The following CEACAM16 variants were observed in gnomAD, a reference collection of about 807,000 sequenced individuals.
CEACAM16 encodes CEA cell adhesion molecule 16, tectorial membrane component.
In CEACAM16, 30 loss-of-function variants were observed where a neutral mutation model predicts 39.4. The observed-to-expected ratio is 0.76, with a 90% CI of 0.57 to 1.03. The LOEUF is 1.03. Ranked by LOEUF, CEACAM16 falls within the 50% of genes least tolerant of loss-of-function variation. The pLI is 0.00. For synonymous variants in CEACAM16, 262 were observed against 264.9 expected (o/e 0.99, Z 0.11); for missense variants, 521 against 585.3 (o/e 0.89, Z 1.13).
intron 6 of CEACAM16, among the ~76,000 whole-genome samples, chr19:44,709,187 T>A (rs1473530292): frequency 4.6e-5 from 7 of 150,930 alleles, no homozygotes; most frequent in Non-Finnish European, 1.0e-4. Flanking sequence ...GGTCCATGTC[T>A]CCTCCATCAG....
At position 44,701,361 on chromosome 19, in the gene CEACAM16, G is replaced by A; in HGVS notation, c.-96G>A. 7.5e-7 allele frequency: 1 copy of A among 1,327,366 alleles called. No homozygotes were observed. The highest frequency in any genetic ancestry group is 1.3e-5 in the South Asian group (1 of 79,586). 82.2% of individuals were successfully genotyped at this position (1,327,366 alleles called of 1,614,324 possible). On this transcript the variant is annotated splice_region_variant and 5_prime_UTR_variant, in exon 2 of 7. Transcript: ENST00000587331. The surrounding 1 kb of genome is among the most constrained non-coding windows in gnomAD (Gnocchi z 4.0). ...GCTCCAAATCACCAAACCCTCCCAG[G>A]TCCTGCGGCAGACGGAGCCGAGCCC...
At chr19:44,707,646 T>C (rs1332821064) in intron 5 of CEACAM16, among the ~76,000 whole-genome samples, 1 of 152,124 alleles carries the variant, frequency 6.6e-6, no homozygotes, top group Non-Finnish European at 1.5e-5. Context: ...GTCTGGGAAT[T>C]TGTAGTCTGA....
rs373690541 is a variant in CEACAM16, at chr19:44,703,751, A to T, written c.382+58A>T. On this transcript the variant is annotated intron_variant, in intron 3 of 6. Transcript: ENST00000587331. ...AGCTGGGCCTTCCCATCTCCTTCTC[A>T]ATCCTTCTTTTTTTTAAAAAAAAAA... The T allele has an allele frequency of 5.0e-4, 635 of 1,266,784 alleles. 6 individuals are homozygous for T. In the African/African-American group the frequency reaches 8.9e-3, roughly 18 times the overall value. 78.5% of individuals were successfully genotyped at this position (1,266,784 alleles called of 1,614,324 possible). A position where few individuals can be genotyped will look rare whatever the true frequency, so the allele number is the denominator to read the frequency against.
Position 44,710,566 on chromosome 19 carries a change from C to A in CEACAM16, c.*60C>A. ...TCTTCGCACCATCCTCTGGTCCTCG[C>A]CCTCTGAGTGGGAACCACTCCCCCA... On this transcript the variant is annotated 3_prime_UTR_variant, in exon 7 of 7. Coordinates refer to ENST00000587331, the MANE Select transcript of CEACAM16 (RefSeq NM_001039213.4). The A allele has an allele frequency of 6.2e-7, 1 of 1,609,286 alleles. No individual in the cohort carries two copies.
chr19:44,702,302 A>C (rs1568526389), intron 2 of CEACAM16, among the ~76,000 whole-genome samples: 2 of 151,912 alleles, frequency 1.3e-5, no homozygotes, highest in Non-Finnish European at 1.5e-5. Flanking sequence ...CAAAAAAAAA[A>C]AACAACCCCA....
In CEACAM16 at chr19:44,701,453, A is replaced by G. The variant is rs1974345244; in HGVS notation, c.-4A>G. The stretch of plus-strand genomic sequence containing the variant: ...CATCTCCAAGACTCGGTTTGGGGTG[A>G]AAGATGGCGCTGACTGGGTACAGCT... On this transcript the variant is annotated 5_prime_UTR_variant, in exon 2 of 7. The change abolishes the stop of an existing upstream ORF in the 5' untranslated region. Coordinates refer to ENST00000587331, the MANE Select transcript of CEACAM16 (RefSeq NM_001039213.4). This position sits in a 1 kb window ranked among gnomAD's most constrained non-coding sequence, Gnocchi z 4.0. 2 of 1,563,512 alleles carry G rather than the reference A, an allele frequency of 1.3e-6. No individual in the cohort carries two copies. Among genetic ancestry groups the G allele is most frequent in the Non-Finnish European group, 1.7e-6 (2 of 1,153,364 alleles).
rs746787944 is a variant in CEACAM16 at position 44,705,877 on chromosome 19, C to T, written c.940+9C>T. ...CGTGGTCAAGCTCTCTGGTGAGTCA[C>T]CCCCAGCCTGACCACCCCCCAGTCC... On this transcript the variant is annotated intron_variant, in intron 5 of 6. Transcript: ENST00000587331. 12 of 1,604,804 alleles carry T rather than the reference C, an allele frequency of 7.5e-6. No individual in the cohort carries two copies. The South Asian group carries it at 1.2e-4, about 16-fold the overall frequency.
chr19:44,710,346 C>T (rs935000458), intron 6 of CEACAM16, 150 bp from the exon 7 acceptor site: 4 of 778,342 alleles, frequency 5.1e-6, no homozygotes, highest in Admixed American at 5.2e-5. Context: ...CCTTCCTGAA[C>T]CTGAACCTGG....
At chr19:44,703,293 A>T (rs1974378997) in intron 2 of CEACAM16, 56 bp from the exon 3 acceptor site, 1 of 1,495,836 alleles carries the variant, frequency 6.7e-7, no homozygotes, top group Non-Finnish European at 9.1e-7. Context: ...TCTTCTGTCA[A>T]ATGGGGCGAT....
intron 4 of CEACAM16, 127 bp from the exon 5 acceptor site, chr19:44,705,463 C>A (rs773020670): frequency 1.6e-5 from 15 of 930,090 alleles, no homozygotes; most frequent in Admixed American, 3.0e-5. Flanking sequence ...AAGGCCAGAG[C>A]TTTTTTTCCC....
chr19:44,704,155 G>A lies in CEACAM16; in HGVS notation c.520G>A (p.Ala174Thr), dbSNP rs750153629. 363 of 1,588,874 alleles carry A rather than the reference G, an allele frequency of 2.3e-4. No homozygotes were observed. The highest frequency in any genetic ancestry group is 1.0e-3 in the South Asian group (88 of 87,408). ...WFFNGGALPV[A>T]LRLGLSPDGR... ...CTTCAACGGTGGGGCCCTGCCCGTC[G>A]CTCTCCGCCTGGGCCTGTCCCCTGA... The change falls in exon 4 of 7, where the codon GCT (alanine) becomes ACT (threonine). Residue 174 changes from alanine (A) to threonine (T), a missense_variant. Ala to Thr is a moderately conservative substitution (Grantham distance 58, BLOSUM62 0). Coordinates refer to ENST00000587331, the MANE Select transcript of CEACAM16 (RefSeq NM_001039213.4).
intron 4 of CEACAM16, among the ~76,000 whole-genome samples, 172 bp downstream of exon 4, chr19:44,704,468 C>T (rs1272814452): frequency 6.6e-6 from 1 of 152,230 alleles, no homozygotes; most frequent in Non-Finnish European, 1.5e-5. Context: ...CAGTGGCTCA[C>T]GCCTGTAATC....
intron 6 of CEACAM16, 32 bp from the exon 7 acceptor site, chr19:44,710,464 T>C (rs1474631702): frequency 1.2e-6 from 2 of 1,605,490 alleles, no homozygotes; most frequent in Non-Finnish European, 1.7e-6. Context: ...TCTGACATCC[T>C]CCTTCGCCCC....
At chr19:44,706,821 C>G (rs1974457823) in intron 5 of CEACAM16, among the ~76,000 whole-genome samples, 1 of 152,192 alleles carries the variant, frequency 6.6e-6, no homozygotes, top group South Asian at 2.1e-4. Context: ...CCAAGGGCTT[C>G]TAGCACTGTC....
rs199597608 is a variant in CEACAM16, at chr19:44,708,169, G to A, written c.1249G>A (p.Val417Met). The A allele has an allele frequency of 1.9e-6, 3 of 1,576,552 alleles. No individual in the cohort carries two copies. The highest frequency in any genetic ancestry group is 2.6e-6 in the Non-Finnish European group (3 of 1,153,920). ...TVQGKTETLE[V>M]ELQVAPLG ...GCAGGGCAAGACTGAGACACTGGAAGTGGAGCTGCAGGTGGCCCGTGAGTG... is the reference window on the plus strand; with the variant it reads ...GCAGGGCAAGACTGAGACACTGGAAATGGAGCTGCAGGTGGCCCGTGAGTG... The change falls in exon 6 of 7, where the codon GTG becomes ATG. Residue 417 changes from valine to methionine, a missense_variant. Transcript: ENST00000587331.
At chr19:44,706,269 TACACACACAC>T (rs57354088) in intron 5 of CEACAM16, among the ~76,000 whole-genome samples, 13 of 132,614 alleles carry the variant, frequency 9.8e-5, no homozygotes, top group Admixed American at 1.6e-4. Flanking sequence ...ATGATGGGTA[TACACACACAC>T]ACACACACAC....
rs986296424 is a variant in CEACAM16 at position 44,710,590 on chromosome 19, C to G, written c.*84C>G. The stretch of plus-strand genomic sequence containing the variant: ...GCCCTCTGAGTGGGAACCACTCCCC[C>G]ACAGCGAGGATGCCAGGCTGTGGTC... On this transcript the variant is annotated 3_prime_UTR_variant, in exon 7 of 7. Coordinates refer to ENST00000587331, the MANE Select transcript of CEACAM16 (RefSeq NM_001039213.4). The G allele has an allele frequency of 3.2e-6, 5 of 1,550,576 alleles. No individual in the cohort carries two copies. Among genetic ancestry groups the G allele is most frequent in the Non-Finnish European group, 4.5e-6 (5 of 1,122,740 alleles).
intron 5 of CEACAM16, among the ~76,000 whole-genome samples, chr19:44,706,805 G>A (rs1045225683): frequency 1.3e-5 from 2 of 152,216 alleles, no homozygotes; most frequent in African/African-American, 4.8e-5. Context: ...AGTGGATACA[G>A]TGCCCCCAAG....
intron 2 of CEACAM16, among the ~76,000 whole-genome samples, chr19:44,702,344 C>T (rs546832820): frequency 3.4e-4 from 52 of 152,064 alleles, no homozygotes; most frequent in African/African-American, 1.2e-3. Context: ...ACACATGAAC[C>T]GCACTTCATA....
Sources: gnomAD v4.1 joint callset for allele counts (sites outside exome capture counted in the v4.1 genomes callset) on GRCh38, gnomAD v4.1.1 for gene constraint, Gnocchi (gnomAD v3.1) non-coding constraint, MANE v1.5 for transcripts, NCBI Gene and HGNC (gene_info 2026-07-23, HGNC 2026-07-21) for gene names.